PALLD: variants seen among roughly 807,000 people sequenced by gnomAD.
PALLD encodes palladin.
A neutral mutation model predicts 123.5 loss-of-function variants in PALLD; 61 were observed. The ratio of observed to expected loss-of-function variants is 0.49; its 90% CI spans 0.40 to 0.61. The LOEUF is 0.61. PALLD is among the 20% of genes least tolerant of loss of function. The pLI is 0.00. For synonymous variants in PALLD, 465 were observed against 496.4 expected (o/e 0.94, Z 0.84); for missense variants, 1,273 against 1,377.0 (o/e 0.92, Z 1.20).
rs749605017 is a variant in PALLD at position 168,794,478 on chromosome 4, GCACA to G, written c.1964+82562_1964+82565del. On this transcript the variant is annotated intron_variant, in intron 10 of 21. Coordinates refer to ENST00000505667, the MANE Select transcript of PALLD (RefSeq NM_001166108.2). The stretch of plus-strand genomic sequence containing the variant: ...GCAGCGCACAGACGTACGTGCACAC[GCACA>G]CACACATGCACGCACACACACACGC... Among the ~76,000 whole-genome samples the G allele has an allele frequency of 9.5e-3, 1,368 of 144,100 alleles. 10 individuals carry two copies. Among genetic ancestry groups the G allele is most frequent in the African/African-American group, 0.033 (1,273 of 38,952 alleles). The allele number at this position is 144,100 out of a possible 152,430, so 94.5% of individuals were successfully genotyped here. A position where few individuals can be genotyped will look rare whatever the true frequency, so the allele number is the denominator to read the frequency against.
chr4:168,817,715 CT>C (rs921600664), intron 10 of PALLD, among the ~76,000 whole-genome samples: 1 of 152,084 alleles, frequency 6.6e-6, no homozygotes, highest in African/African-American at 2.4e-5. Flanking sequence ...TTGAAACAAC[CT>C]TTTTTTGTCC....
At chr4:168,548,029 A>G in intron 2 of PALLD, among the ~76,000 whole-genome samples, 1 of 148,904 alleles carries the variant, frequency 6.7e-6, no homozygotes, top group East Asian at 1.9e-4. Flanking sequence ...TGGGCAACAA[A>G]GAGCAAACAA....
chr4:168,903,404 A>G (rs563873937), intron 14 of PALLD, among the ~76,000 whole-genome samples: 272 of 152,308 alleles, frequency 1.8e-3, no homozygotes, highest in Non-Finnish European at 3.2e-3. Context: ...GCCTTCATAG[A>G]AGGCCACTTC....
At chr4:168,646,746 T>C (rs1215853977) in intron 2 of PALLD, among the ~76,000 whole-genome samples, 1 of 152,196 alleles carries the variant, frequency 6.6e-6, no homozygotes, top group African/African-American at 2.4e-5. Context: ...TGCTACAAAA[T>C]AGAGAATATC....
intron 17 of PALLD, among the ~76,000 whole-genome samples, chr4:168,919,654 T>C (rs1231407462): frequency 6.6e-6 from 1 of 152,184 alleles, no homozygotes; most frequent in Non-Finnish European, 1.5e-5. Flanking sequence ...AGCAGCTTGC[T>C]TTTCCTCCAA....
chr4:168,544,158 CA>C (rs1286910715), intron 2 of PALLD, among the ~76,000 whole-genome samples: 2 of 152,214 alleles, frequency 1.3e-5, no homozygotes, highest in Non-Finnish European at 2.9e-5. Context: ...TTAGAAACTA[CA>C]TGTTCTGTTT....
chr4:168,587,794 C>T (rs981401098), intron 2 of PALLD, among the ~76,000 whole-genome samples: 3 of 152,060 alleles, frequency 2.0e-5, no homozygotes, highest in African/African-American at 4.8e-5. Flanking sequence ...CTGCCATCCC[C>T]AATAGCCAAA....
At chr4:168,539,072 G>A (rs1580201965) in intron 2 of PALLD, among the ~76,000 whole-genome samples, 1 of 152,174 alleles carries the variant, frequency 6.6e-6, no homozygotes, top group Non-Finnish European at 1.5e-5. Context: ...ATTTGAAATT[G>A]TTAAGAACAT....
At chr4:168,700,653 G>A (rs1041121484) in intron 8 of PALLD, 2 of 152,174 alleles carry the variant, frequency 1.3e-5, no homozygotes, top group Admixed American at 6.5e-5. Context: ...AACAAAAATT[G>A]TTTCTGCACT....
chr4:168,688,315 C>A (rs1222476632), intron 6 of PALLD, among the ~76,000 whole-genome samples: 2 of 152,180 alleles, frequency 1.3e-5, no homozygotes, highest in Non-Finnish European at 2.9e-5. Context: ...GGAAGAGATT[C>A]CTAGGTCTCA....
intron 2 of PALLD, among the ~76,000 whole-genome samples, chr4:168,564,224 A>C (rs1768140591): frequency 6.6e-6 from 1 of 152,208 alleles, no homozygotes; most frequent in East Asian, 1.9e-4. Flanking sequence ...TCTTTTGTTC[A>C]AATGTTAATA....
At chr4:168,900,482 C>T (rs574477692) in intron 14 of PALLD, among the ~76,000 whole-genome samples, 1 of 152,122 alleles carries the variant, frequency 6.6e-6, no homozygotes, top group Non-Finnish European at 1.5e-5. Flanking sequence ...GCAATGTACT[C>T]AATGAAATAA....
chr4:168,894,855 T>G, intron 12 of PALLD, 178 bp downstream of exon 12: 1 of 941,496 alleles, frequency 1.1e-6, no homozygotes, highest in Non-Finnish European at 1.6e-6. Context: ...CATACTATGT[T>G]AAGTGACTGA....
chr4:168,834,152 C>T (rs947924559), intron 10 of PALLD, among the ~76,000 whole-genome samples: 1 of 151,894 alleles, frequency 6.6e-6, no homozygotes, highest in Admixed American at 6.6e-5. Context: ...CCATCTCTGG[C>T]TATGTGAAAA....
At position 168,670,789 on chromosome 4, in the gene PALLD, C is replaced by CA. The variant is rs1238495535; in HGVS notation, c.1087+2429dup. 1.9e-4 allele frequency among the ~76,000 whole-genome samples: 19 copies of CA among 100,862 alleles called. 1 individual carries two copies. The East Asian group carries it at 1.9e-3, about 10-fold the overall frequency. 66.2% of individuals were successfully genotyped at this position (100,862 alleles called of 152,430 possible). ...ACAAAAAAAAACAAAAAAAAAAAAA[C>CA]AAAAAAAACAAAAAAGCTGGGTGCA... On this transcript the variant is annotated intron_variant, in intron 3 of 21. Transcript: ENST00000505667.
At chr4:168,859,120 C>T (rs1173622111) in intron 10 of PALLD, among the ~76,000 whole-genome samples, 5 of 152,136 alleles carry the variant, frequency 3.3e-5, no homozygotes, top group African/African-American at 1.2e-4. Flanking sequence ...AACATTTTTG[C>T]TTTGCTCTGT....
chr4:168,813,106 G>T (rs1037727438), intron 10 of PALLD, among the ~76,000 whole-genome samples: 1 of 19,706 alleles, frequency 5.1e-5, no homozygotes, highest in Non-Finnish European at 1.7e-4. Flanking sequence ...ACGTACTTTT[G>T]GGGGGGGCGG....
At chr4:168,711,180 C>T (rs947656672) in intron 9 of PALLD, among the ~76,000 whole-genome samples, 2 of 152,244 alleles carry the variant, frequency 1.3e-5, no homozygotes, top group African/African-American at 4.8e-5. Context: ...AAAACCTTTA[C>T]AGCTTGAGCC....
chr4:168,711,422 C>A (rs1252465900), intron 9 of PALLD, among the ~76,000 whole-genome samples, 159 bp from the exon 10 acceptor site: 1 of 152,220 alleles, frequency 6.6e-6, no homozygotes, highest in Non-Finnish European at 1.5e-5. Flanking sequence ...CCAGGCCCTC[C>A]AGCTGGCAGT....
Sources: allele counts gnomAD v4.1 joint callset (sites outside exome capture counted in the v4.1 genomes callset), GRCh38; gene constraint gnomAD v4.1.1; transcripts MANE v1.5; gene names NCBI Gene and HGNC (gene_info 2026-07-23, HGNC 2026-07-21).